Variants in EGLN1 observed in about 807,000 individuals in gnomAD.
The protein encoded by EGLN1 is egl-9 family hypoxia inducible factor 1, also known as egl nine homolog 1.
Under a neutral mutation model 38.3 loss-of-function variants are expected in EGLN1, and 17 were observed. The observed-to-expected ratio is 0.44, with a 90% CI of 0.30 to 0.67. The LOEUF (loss-of-function observed/expected upper bound fraction) is 0.67. EGLN1 is among the 30% of genes least tolerant of loss of function. The pLI is 0.08. For missense variants in EGLN1, 477 were observed against 603.3 expected (o/e 0.79, Z 2.19); for synonymous variants, 283 against 257.5 (o/e 1.10, Z -0.95).
At chr1:231,388,681 G>GTC (rs1368727855) in intron 1 of EGLN1, among the ~76,000 whole-genome samples, 1 of 151,844 alleles carries the variant, frequency 6.6e-6, no homozygotes, top group African/African-American at 2.4e-5. Flanking sequence ...TTGAGACGGC[G>GTC]TCTCTCTCTG....
chr1:231,374,266 G>A (rs1687901221), intron 1 of EGLN1, among the ~76,000 whole-genome samples, 167 bp from the exon 2 acceptor site: 1 of 152,068 alleles, frequency 6.6e-6, no homozygotes, highest in African/African-American at 2.4e-5. Context: ...ACATTTATAG[G>A]GAACACAAGA....
chr1:231,412,834 A>C lies in EGLN1; in HGVS notation c.891+8164T>G, dbSNP rs565797346. Among the ~76,000 whole-genome samples the C allele has an allele frequency of 3.3e-5, 5 of 152,340 alleles. No individual in the cohort carries two copies. In the South Asian group the frequency reaches 6.2e-4, roughly 19 times the overall value. On this transcript the variant is annotated intron_variant, in intron 1 of 4. Coordinates refer to ENST00000366641, the MANE Select transcript of EGLN1 (RefSeq NM_022051.3). ...GTGGGGGCAAGAGAAGAAAAGCAGAAGACTTAGGTCAAAATAAAACAATAA... is the reference window on the plus strand; with the variant it reads ...GTGGGGGCAAGAGAAGAAAAGCAGACGACTTAGGTCAAAATAAAACAATAA...
chr1:231,402,065 A>G (rs753319771), intron 1 of EGLN1, among the ~76,000 whole-genome samples: 1 of 152,172 alleles, frequency 6.6e-6, no homozygotes, highest in Non-Finnish European at 1.5e-5. Flanking sequence ...CTGGTAACCA[A>G]TGATGTTGAG....
intron 1 of EGLN1, among the ~76,000 whole-genome samples, chr1:231,417,498 C>G (rs1689114913): frequency 6.6e-6 from 1 of 152,086 alleles, no homozygotes; most frequent in African/African-American, 2.4e-5. Context: ...ACCCCCAAGT[C>G]AAGGCACACT....
intron 2 of EGLN1, among the ~76,000 whole-genome samples, chr1:231,373,193 T>A (rs1687872395): frequency 6.6e-6 from 1 of 152,214 alleles, no homozygotes; most frequent in Non-Finnish European, 1.5e-5. Flanking sequence ...TTGTCAGTAC[T>A]GATAAACTTC....
chr1:231,390,288 T>C (rs1572032840), intron 1 of EGLN1, among the ~76,000 whole-genome samples: 2 of 152,348 alleles, frequency 1.3e-5, no homozygotes, highest in South Asian at 4.1e-4. Context: ...AGGGTATCAC[T>C]ATCTACCTCA....
Position 231,421,355 on chromosome 1 carries a change from G to A in EGLN1, c.534C>T (p.Gly178=). The A allele has an allele frequency of 6.2e-7, 1 of 1,609,934 alleles. No individual in the cohort carries two copies. Among genetic ancestry groups the A allele is most frequent in the Non-Finnish European group, 8.5e-7 (1 of 1,178,256 alleles). ...TPGDALSPGG[G]LRPNGQTKPL... ...GCTTCGTCTGCCCGTTGGGCCGCAG[G>A]CCGCCGCCGGGGCTCAGCGCATCCC... The change falls in exon 1 of 5, where the codon GGC becomes GGT. Residue 178 remains glycine (G), a synonymous_variant. Coordinates refer to ENST00000366641, the MANE Select transcript of EGLN1 (RefSeq NM_022051.3). This position sits in a 1 kb window ranked among gnomAD's most constrained non-coding sequence, Gnocchi z 5.5.
At chr1:231,418,310 C>G (rs1255667060) in intron 1 of EGLN1, among the ~76,000 whole-genome samples, 1 of 152,180 alleles carries the variant, frequency 6.6e-6, no homozygotes, top group Non-Finnish European at 1.5e-5. Flanking sequence ...TGATTACTCA[C>G]ATATAAAGCT....
intron 2 of EGLN1, among the ~76,000 whole-genome samples, chr1:231,373,643 A>C (rs1047631401): frequency 1.3e-5 from 2 of 151,740 alleles, no homozygotes; most frequent in African/African-American, 4.9e-5. Flanking sequence ...TCACCTCTCA[A>C]AGTTCCGTTT....
chr1:231,370,722 A>G, intron 2 of EGLN1, 24 bp from the exon 3 acceptor site: 1 of 1,614,020 alleles, frequency 6.2e-7, no homozygotes, highest in Middle Eastern at 1.7e-4. Context: ...CAAATATGTA[A>G]GCAGGAGTAA....
At chr1:231,405,165 ATTTT>A (rs1688754619) in intron 1 of EGLN1, among the ~76,000 whole-genome samples, 1 of 152,052 alleles carries the variant, frequency 6.6e-6, no homozygotes, top group Non-Finnish European at 1.5e-5. Flanking sequence ...ACTACTTTTT[ATTTT>A]ATTTATATTT....
chr1:231,386,442 C>G (rs1441599721), intron 1 of EGLN1, among the ~76,000 whole-genome samples: 3 of 152,212 alleles, frequency 2.0e-5, no homozygotes, highest in African/African-American at 7.2e-5. Flanking sequence ...AAGATCCAGT[C>G]TTAGAAAATA....
chr1:231,414,342 A>T (rs7532555), intron 1 of EGLN1, among the ~76,000 whole-genome samples: 3,864 of 152,300 alleles, frequency 0.025, 164 homozygotes, highest in African/African-American at 0.087. Context: ...CTAAGCTGAC[A>T]ACATCAATCC....
intron 1 of EGLN1, among the ~76,000 whole-genome samples, chr1:231,398,642 T>C (rs542070417): frequency 6.6e-6 from 1 of 151,960 alleles, no homozygotes; most frequent in South Asian, 2.1e-4. Flanking sequence ...AATCTCCTAA[T>C]ATCCACTCTG....
chr1:231,411,842 C>T (rs1018686775), intron 1 of EGLN1, among the ~76,000 whole-genome samples: 1 of 150,930 alleles, frequency 6.6e-6, no homozygotes, highest in Non-Finnish European at 1.5e-5. Context: ...ACTAAACATA[C>T]AAAAAAATTA....
At chr1:231,369,675 G>A (rs1687764806) in intron 3 of EGLN1, 1 of 838,564 alleles carries the variant, frequency 1.2e-6, no homozygotes, top group African/African-American at 1.8e-5. Flanking sequence ...CAAGTCGTTA[G>A]AGTCAACCAT....
chr1:231,411,926 A>AAGGCAGAGGTTGC (rs900414998), intron 1 of EGLN1, among the ~76,000 whole-genome samples: 1 of 147,014 alleles, frequency 6.8e-6, no homozygotes, highest in Non-Finnish European at 1.5e-5. Flanking sequence ...TTGAACCCAG[A>AAGGCAGAGGTTGC]AGGCAGAGGT....
At chr1:231,380,464 G>GTGTATATA (rs145664309) in intron 1 of EGLN1, among the ~76,000 whole-genome samples, 1 of 151,350 alleles carries the variant, frequency 6.6e-6, no homozygotes, top group East Asian at 1.9e-4. Flanking sequence ...TAAATGATAG[G>GTGTATATA]TATATATATA....
intron 1 of EGLN1, among the ~76,000 whole-genome samples, chr1:231,375,794 T>G (rs1388023045): frequency 6.6e-6 from 1 of 152,206 alleles, no homozygotes; most frequent in Non-Finnish European, 1.5e-5. Flanking sequence ...GAATAGTAAC[T>G]GTAAGAGGGT....
Sources: allele counts gnomAD v4.1 joint callset (sites outside exome capture counted in the v4.1 genomes callset), GRCh38; gene constraint gnomAD v4.1.1; non-coding constraint Gnocchi (gnomAD v3.1); transcripts MANE v1.5; gene names NCBI Gene and HGNC (gene_info 2026-07-23, HGNC 2026-07-21).